LIN7A: variants seen among roughly 807,000 people sequenced by gnomAD.
LIN7A encodes lin-7 cell polarity scaffold A.
LIN7A carries 25 observed loss-of-function variants against 29.8 expected under a neutral mutation model. The observed-to-expected ratio is 0.84, with a 90% CI of 0.61 to 1.17. The LOEUF is 1.17. Among genes scored for constraint, LIN7A ranks in the 50% most tolerant of loss-of-function variants. LIN7A has a pLI of 0.00. For missense variants in LIN7A, 239 were observed against 287.0 expected (o/e 0.83, Z 1.21); for synonymous variants, 118 against 107.5 (o/e 1.10, Z -0.60).
At chr12:80,855,197 AG>A (rs1485671466) in intron 2 of LIN7A, among the ~76,000 whole-genome samples, 1 of 152,166 alleles carries the variant, frequency 6.6e-6, no homozygotes, top group Non-Finnish European at 1.5e-5. Flanking sequence ...AAAAGTGAAA[AG>A]ACATATAATA....
intron 4 of LIN7A, among the ~76,000 whole-genome samples, chr12:80,820,178 CAGG>C (rs1386814462): frequency 6.6e-6 from 1 of 152,116 alleles, no homozygotes; most frequent in African/African-American, 2.4e-5. Context: ...AAGGAACGTG[CAGG>C]AGATTTACCT....
At chr12:80,841,285 T>G (rs1308066505) in intron 4 of LIN7A, among the ~76,000 whole-genome samples, 1 of 131,948 alleles carries the variant, frequency 7.6e-6, no homozygotes, top group Non-Finnish European at 1.6e-5. Context: ...AGTGAGACCA[T>G]GAGAAAGAAA....
chr12:80,896,409 A>C (rs1295010215), intron 1 of LIN7A, among the ~76,000 whole-genome samples: 1 of 152,228 alleles, frequency 6.6e-6, no homozygotes, highest in African/African-American at 2.4e-5. Flanking sequence ...CAGTTTAAAA[A>C]TCTAATACAA....
intron 1 of LIN7A, among the ~76,000 whole-genome samples, chr12:80,926,927 C>CAAAA (rs35483715): frequency 3.6e-5 from 2 of 55,892 alleles, no homozygotes; most frequent in African/African-American, 5.8e-5. Flanking sequence ...GACTCCATCT[C>CAAAA]AAAAAAAAAA....
At chr12:80,884,226 T>C (rs1422043262) in intron 2 of LIN7A, among the ~76,000 whole-genome samples, 1 of 152,224 alleles carries the variant, frequency 6.6e-6, no homozygotes, top group African/African-American at 2.4e-5. Flanking sequence ...TAAAACATTT[T>C]GTTTTACAGC....
intron 4 of LIN7A, among the ~76,000 whole-genome samples, chr12:80,816,108 G>A (rs949144598): frequency 4.6e-5 from 7 of 152,072 alleles, no homozygotes; most frequent in Non-Finnish European, 8.8e-5. Flanking sequence ...TAAACATAAA[G>A]ATTAATATGA....
At chr12:80,876,896 C>A (rs912875857) in intron 2 of LIN7A, among the ~76,000 whole-genome samples, 1 of 151,724 alleles carries the variant, frequency 6.6e-6, no homozygotes, top group Non-Finnish European at 1.5e-5. Context: ...CCGAGGCGGG[C>A]GGATTACCTG....
At chr12:80,918,656 G>A (rs947713277) in intron 1 of LIN7A, among the ~76,000 whole-genome samples, 2 of 151,838 alleles carry the variant, frequency 1.3e-5, no homozygotes, top group Non-Finnish European at 2.9e-5. Context: ...TTTTTTAATT[G>A]TTAAATTTTA....
chr12:80,798,697 T>G (rs1870572972), intron 5 of LIN7A, among the ~76,000 whole-genome samples: 1 of 152,162 alleles, frequency 6.6e-6, no homozygotes, highest in Non-Finnish European at 1.5e-5. Flanking sequence ...ATATTTAATC[T>G]CCACAACAGA....
intron 1 of LIN7A, among the ~76,000 whole-genome samples, chr12:80,909,930 T>C (rs1033759906): frequency 1.3e-4 from 20 of 152,056 alleles, no homozygotes; most frequent in Admixed American, 1.3e-3. Flanking sequence ...ATTAGGTTAC[T>C]GTGAAAGTAG....
At chr12:80,893,034 T>C (rs1875707360) in intron 1 of LIN7A, among the ~76,000 whole-genome samples, 1 of 152,232 alleles carries the variant, frequency 6.6e-6, no homozygotes, top group Middle Eastern at 3.2e-3. Context: ...GACCCCGGAA[T>C]ATGCCTTTTA....
chr12:80,796,331 T>A lies in LIN7A; in HGVS notation c.*1396A>T, dbSNP rs1255368906. Reference sequence around the variant, plus strand: ...TAGGTTCATTTATGTGCTTAAGGTATTCAAATGCCCAAACAATTATTGCTT... The same window carrying A: ...TAGGTTCATTTATGTGCTTAAGGTAATCAAATGCCCAAACAATTATTGCTT... On this transcript the variant is annotated 3_prime_UTR_variant, in exon 6 of 6. Coordinates refer to ENST00000552864, the MANE Select transcript of LIN7A (RefSeq NM_004664.4). 1.3e-5 allele frequency: 2 copies of A among 152,192 alleles called. No homozygotes were observed. The highest frequency in any genetic ancestry group is 2.9e-5 in the Non-Finnish European group (2 of 68,014). The allele number at this position is 152,192 out of a possible 1,614,324, so 9.4% of individuals were successfully genotyped here.
chr12:80,915,837 T>C (rs1170173485), intron 1 of LIN7A, among the ~76,000 whole-genome samples: 2 of 151,998 alleles, frequency 1.3e-5, no homozygotes, highest in Admixed American at 1.3e-4. Context: ...TGAGTACACA[T>C]GGACATAAAG....
chr12:80,886,642 TA>T (rs1451398770), intron 2 of LIN7A, among the ~76,000 whole-genome samples: 1 of 152,082 alleles, frequency 6.6e-6, no homozygotes, highest in Non-Finnish European at 1.5e-5. Context: ...AATATAAAAT[TA>T]ATCTTACTAG....
At chr12:80,868,661 G>T (rs556657564) in intron 2 of LIN7A, among the ~76,000 whole-genome samples, 4 of 152,188 alleles carry the variant, frequency 2.6e-5, no homozygotes, top group Non-Finnish European at 5.9e-5. Context: ...CATGTGTTAC[G>T]TGTCTTTTGA....
rs141106042 is a variant in LIN7A at position 80,803,524 on chromosome 12, C to T, written c.*1-5798G>A. Among the ~76,000 whole-genome samples the T allele has an allele frequency of 6.2e-3, 939 of 152,222 alleles. 9 individuals are homozygous for T. The highest frequency in any genetic ancestry group is 0.017 in the African/African-American group (709 of 41,528). On this transcript the variant is annotated intron_variant, in intron 5 of 5. Coordinates refer to ENST00000552864, the MANE Select transcript of LIN7A (RefSeq NM_004664.4). Reference sequence around the variant, plus strand: ...TGTCAACAGCATGTTGTTTTGATTACCATAGCTTTGTAATAGACCCTGAGG... The same window carrying T: ...TGTCAACAGCATGTTGTTTTGATTATCATAGCTTTGTAATAGACCCTGAGG...
Position 80,816,483 on chromosome 12 carries a change from TTA to T in LIN7A, c.484-4802_484-4801del, listed in dbSNP as rs138848035. 3.7e-3 allele frequency among the ~76,000 whole-genome samples: 564 copies of T among 150,762 alleles called. 3 individuals are homozygous for T. Among genetic ancestry groups the T allele is most frequent in the Non-Finnish European group, 6.0e-3 (405 of 67,658 alleles). On this transcript the variant is annotated intron_variant, in intron 4 of 5. Coordinates refer to ENST00000552864, the MANE Select transcript of LIN7A (RefSeq NM_004664.4). ...ATACATTAGTTATTATATACAATAG[TTA>T]TATATATATATGGAGCCTTCAAAAA...
At chr12:80,926,413 G>A (rs995761959) in intron 1 of LIN7A, among the ~76,000 whole-genome samples, 4 of 151,574 alleles carry the variant, frequency 2.6e-5, no homozygotes, top group African/African-American at 9.7e-5. Context: ...TGAATATAAG[G>A]GATTGATTTT....
At chr12:80,895,753 C>A (rs1875855193) in intron 1 of LIN7A, among the ~76,000 whole-genome samples, 1 of 152,164 alleles carries the variant, frequency 6.6e-6, no homozygotes, top group South Asian at 2.1e-4. Flanking sequence ...TCCTCTTTCC[C>A]CTTTCTTTTG....
Sources: allele counts gnomAD v4.1 joint callset (sites outside exome capture counted in the v4.1 genomes callset), GRCh38; gene constraint gnomAD v4.1.1; transcripts MANE v1.5; gene names NCBI Gene and HGNC (gene_info 2026-07-23, HGNC 2026-07-21).